The following GBE1 variants were observed in gnomAD, a reference collection of about 807,000 sequenced individuals.
GBE1 encodes the protein 1,4-alpha-glucan branching enzyme 1, also known as 1,4-alpha-glucan-branching enzyme.
In GBE1, 70 loss-of-function variants were observed where a neutral mutation model predicts 88.8. The observed-to-expected ratio is 0.79, with a 90% confidence interval of 0.65 to 0.96. The LOEUF is 0.96. GBE1 is among the 40% of genes least tolerant of loss of function. The pLI is 0.00. For synonymous variants in GBE1, 284 were observed against 300.1 expected (o/e 0.95, Z 0.56); for missense variants, 872 against 871.0 (o/e 1.00, Z -0.01).
intron 12 of GBE1, among the ~76,000 whole-genome samples, chr3:81,555,425 C>T (rs1703333779): frequency 6.6e-6 from 1 of 152,136 alleles, no homozygotes. Flanking sequence ...TTCTAAATGA[C>T]AGAAATAGTA....
chr3:81,520,324 G>A (rs993477947), intron 14 of GBE1, among the ~76,000 whole-genome samples: 4 of 151,504 alleles, frequency 2.6e-5, no homozygotes, highest in Middle Eastern at 3.4e-3. Flanking sequence ...TTATCGCAAC[G>A]TTTCAAACTT....
intron 1 of GBE1, among the ~76,000 whole-genome samples, chr3:81,715,319 G>A (rs1190906565): frequency 6.6e-6 from 1 of 152,164 alleles, no homozygotes; most frequent in Admixed American, 6.6e-5. Context: ...TGACCCAGTG[G>A]AGACCGCCTG....
rs1464683025 is a variant in GBE1, at chr3:81,516,761, A to G, written c.1935-17534T>C. On this transcript the variant is annotated intron_variant, in intron 14 of 15. Coordinates refer to ENST00000429644, the MANE Select transcript of GBE1 (RefSeq NM_000158.4). The stretch of plus-strand genomic sequence containing the variant: ...AGGAGTTTGGAAGAAGTTAATTCCA[A>G]CTCTCATAGATGACTTTGAGAAACT... Among the ~76,000 whole-genome samples the G allele has an allele frequency of 3.3e-5, 5 of 151,510 alleles. No homozygotes were observed. The East Asian group carries it at 9.7e-4, about 29-fold the overall frequency.
At chr3:81,700,183 T>C (rs1276502492) in intron 2 of GBE1, among the ~76,000 whole-genome samples, 1 of 152,120 alleles carries the variant, frequency 6.6e-6, no homozygotes, top group African/African-American at 2.4e-5. Flanking sequence ...TGGAGTTGTT[T>C]GTAAAATGTC....
chr3:81,750,615 A>G lies in GBE1; in HGVS notation c.143+10760T>C, dbSNP rs1393253818. On this transcript the variant is annotated intron_variant, in intron 1 of 15. Coordinates refer to ENST00000429644, the MANE Select transcript of GBE1 (RefSeq NM_000158.4). ...TATATATATATGTGTATATATATATATGTATATATATATACGTATATATAT... is the reference window on the plus strand; with the variant it reads ...TATATATATATGTGTATATATATATGTGTATATATATATACGTATATATAT... Among the ~76,000 whole-genome samples the G allele has an allele frequency of 4.5e-3, 314 of 69,506 alleles. 44 individuals carry two copies. Among genetic ancestry groups the G allele is most frequent in the African/African-American group, 0.025 (286 of 11,286 alleles). 45.6% of individuals were successfully genotyped at this position (69,506 alleles called of 152,430 possible). A position where few individuals can be genotyped will look rare whatever the true frequency, so the allele number is the denominator to read the frequency against.
Position 81,629,708 on chromosome 3 carries a change from T to A in GBE1, c.992+13073A>T, listed in dbSNP as rs183852190. On this transcript the variant is annotated intron_variant, in intron 7 of 15. Transcript: ENST00000429644. ...AAACTGGATGTTTAATTGTATTTTT[T>A]ATATATTTTTTATTATTATTATTAT... Among the ~76,000 whole-genome samples, 854 of 152,130 alleles carry A rather than the reference T, an allele frequency of 5.6e-3. 12 individuals carry two copies. Among genetic ancestry groups the A allele is most frequent in the African/African-American group, 0.019 (782 of 41,532 alleles).
chr3:81,566,956 A>C (rs905273047), intron 12 of GBE1, among the ~76,000 whole-genome samples: 2 of 152,140 alleles, frequency 1.3e-5, no homozygotes, highest in Non-Finnish European at 2.9e-5. Flanking sequence ...CTTATATTTC[A>C]TAAGAAAACA....
intron 1 of GBE1, among the ~76,000 whole-genome samples, chr3:81,705,901 A>T (rs910489412): frequency 6.6e-6 from 1 of 152,136 alleles, no homozygotes; most frequent in Non-Finnish European, 1.5e-5. Context: ...AAAAACTAGC[A>T]TTATAGCAAC....
chr3:81,612,632 T>C, intron 7 of GBE1: 1 of 587,500 alleles, frequency 1.7e-6, no homozygotes, highest in Non-Finnish European at 3.3e-6. Flanking sequence ...TTGGCGGAGT[T>C]TGTTACATTT....
At chr3:81,617,738 AT>A (rs1277401897) in intron 7 of GBE1, among the ~76,000 whole-genome samples, 1 of 151,940 alleles carries the variant, frequency 6.6e-6, no homozygotes, top group Non-Finnish European at 1.5e-5. Context: ...CATAAAATGA[AT>A]TGGGTAGTGT....
intron 12 of GBE1, among the ~76,000 whole-genome samples, chr3:81,576,302 T>C (rs1370578938): frequency 6.6e-6 from 1 of 152,098 alleles, no homozygotes; most frequent in East Asian, 1.9e-4. Context: ...ATTTAGGATA[T>C]GACCATCCTG....
At chr3:81,749,374 AT>A (rs1205186997) in intron 1 of GBE1, among the ~76,000 whole-genome samples, 3 of 151,958 alleles carry the variant, frequency 2.0e-5, no homozygotes, top group African/African-American at 7.3e-5. Context: ...CTGATATATG[AT>A]TTCATTCATA....
chr3:81,490,262 C>T lies in GBE1; in HGVS notation c.*145G>A. 1 of 688,686 alleles carries T rather than the reference C, an allele frequency of 1.5e-6. No individual in the cohort carries two copies. The highest frequency in any genetic ancestry group is 2.6e-6 in the Non-Finnish European group (1 of 390,466). 42.7% of individuals were successfully genotyped at this position (688,686 alleles called of 1,614,324 possible). ...CTTAAATAAAAGTTTGCTGTATTTGCATAAACCAATATTGAATTTCAGACA... is the reference window on the plus strand; with the variant it reads ...CTTAAATAAAAGTTTGCTGTATTTGTATAAACCAATATTGAATTTCAGACA... On this transcript the variant is annotated 3_prime_UTR_variant, in exon 16 of 16. Coordinates refer to ENST00000429644, the MANE Select transcript of GBE1 (RefSeq NM_000158.4).
At chr3:81,649,589 G>C (rs1704815936) in intron 4 of GBE1, among the ~76,000 whole-genome samples, 1 of 151,414 alleles carries the variant, frequency 6.6e-6, no homozygotes, top group Non-Finnish European at 1.5e-5. Context: ...CAAAAACATA[G>C]ACAACACAAA....
intron 15 of GBE1, among the ~76,000 whole-genome samples, chr3:81,498,733 A>G (rs1702546833): frequency 6.6e-6 from 1 of 152,208 alleles, no homozygotes. Context: ...ATAATGTAGA[A>G]ATCTGCTTAA....
chr3:81,632,632 G>T (rs1270346446), intron 7 of GBE1, among the ~76,000 whole-genome samples: 2 of 152,136 alleles, frequency 1.3e-5, no homozygotes, highest in African/African-American at 2.4e-5. Context: ...TTCAACCATT[G>T]TGGACAGTGT....
At chr3:81,636,821 T>C (rs1704599455) in intron 7 of GBE1, among the ~76,000 whole-genome samples, 2 of 152,166 alleles carry the variant, frequency 1.3e-5, no homozygotes, top group South Asian at 2.1e-4. Context: ...TGAGCCGCCA[T>C]GTCCAGCCAT....
In GBE1 at chr3:81,646,500, C is replaced by A; in HGVS notation, c.692-18G>T. 1 of 1,357,814 alleles carries A rather than the reference C, an allele frequency of 7.4e-7. No individual in the cohort carries two copies. The highest frequency in any genetic ancestry group is 1.0e-6 in the Non-Finnish European group (1 of 984,160). The allele number at this position is 1,357,814 out of a possible 1,614,324, so 84.1% of individuals were successfully genotyped here. Reference sequence around the variant, plus strand: ...GTTGTATCCTATATAAGGCAATGGTCAAATCTAAATTAAAAGCCACATTTA... The same window carrying A: ...GTTGTATCCTATATAAGGCAATGGTAAAATCTAAATTAAAAGCCACATTTA... On this transcript the variant is annotated intron_variant, in intron 5 of 15. Coordinates refer to ENST00000429644, the MANE Select transcript of GBE1 (RefSeq NM_000158.4).
intron 2 of GBE1, among the ~76,000 whole-genome samples, chr3:81,696,358 G>A (rs546313787): frequency 1.3e-5 from 2 of 152,250 alleles, no homozygotes; most frequent in Admixed American, 1.3e-4. Context: ...AGCTACCTGT[G>A]GCATAAGAAA....
Sources: gnomAD v4.1 joint callset for allele counts (sites outside exome capture counted in the v4.1 genomes callset) on GRCh38, gnomAD v4.1.1 for gene constraint, MANE v1.5 for transcripts, NCBI Gene and HGNC (gene_info 2026-07-23, HGNC 2026-07-21) for gene names.